The following ROBO1 variants were observed in gnomAD, a reference collection of about 807,000 sequenced individuals.
ROBO1 encodes the protein roundabout guidance receptor 1.
Under a neutral mutation model 195.9 loss-of-function variants are expected in ROBO1, and 149 were observed. The observed-to-expected ratio is 0.76, with a 90% CI of 0.67 to 0.87. The LOEUF is 0.87. Among genes scored for constraint, ROBO1 ranks in the 40% least tolerant of loss-of-function variants. ROBO1 has a pLI of 0.00. For synonymous variants in ROBO1, 816 were observed against 733.2 expected, an observed-to-expected ratio of 1.11 and a Z score of -1.82; for missense variants, 1,933 against 2,068.3, an observed-to-expected ratio of 0.93 and a Z score of 1.27.
chr3:79,591,498 G>A (rs34115188), intron 1 of ROBO1, among the ~76,000 whole-genome samples: 1 of 151,706 alleles, frequency 6.6e-6, no homozygotes, highest in Non-Finnish European at 1.5e-5. Flanking sequence ...TTGCCTCAAA[G>A]AATATACTTG....
intron 2 of ROBO1, among the ~76,000 whole-genome samples, chr3:79,209,471 T>A (rs914544987): frequency 6.6e-6 from 1 of 152,074 alleles, no homozygotes; most frequent in African/African-American, 2.4e-5. Flanking sequence ...GTGTTTTTTT[T>A]ATTTTTTTAT....
intron 2 of ROBO1, among the ~76,000 whole-genome samples, chr3:79,295,338 C>G (rs2032526516): frequency 6.6e-6 from 1 of 152,122 alleles, no homozygotes; most frequent in African/African-American, 2.4e-5. Flanking sequence ...TCTCAGCAAA[C>G]TAACACAGGA....
chr3:79,680,225 T>G (rs73849487), intron 1 of ROBO1, among the ~76,000 whole-genome samples: 1,711 of 152,026 alleles, frequency 0.011, 27 homozygotes, highest in African/African-American at 0.039. Flanking sequence ...CTTAGCTCAC[T>G]GGCCAGAGCT....
At chr3:79,082,564 G>T (rs1457613335) in intron 3 of ROBO1, among the ~76,000 whole-genome samples, 1 of 152,140 alleles carries the variant, frequency 6.6e-6, no homozygotes. Flanking sequence ...TGAGATAGAA[G>T]AGACCAAATG....
rs117507600 is a variant in ROBO1 at position 79,693,083 on chromosome 3, G to C, written c.-51+74669C>G. Among the ~76,000 whole-genome samples, 69 of 151,728 alleles carry C rather than the reference G, an allele frequency of 4.5e-4. No homozygotes were observed. In the East Asian group the frequency reaches 0.012, roughly 27 times the overall value. ...TAAGATTTCAGATTTTCAGATTATG[G>C]ATGTTCTGCTTGTGTATGGTATACC... On this transcript the variant is annotated intron_variant, in intron 1 of 30. Transcript: ENST00000464233.
chr3:79,457,016 T>C (rs1466121340), intron 2 of ROBO1, among the ~76,000 whole-genome samples: 2 of 152,198 alleles, frequency 1.3e-5, no homozygotes, highest in African/African-American at 4.8e-5. Context: ...ATATTTGTAC[T>C]CCGAAGACTT....
At chr3:79,492,413 G>A (rs1305405227) in intron 2 of ROBO1, among the ~76,000 whole-genome samples, 2 of 113,514 alleles carry the variant, frequency 1.8e-5, no homozygotes, top group Non-Finnish European at 3.4e-5. Context: ...CAATAAGAGT[G>A]AGACTCTGTT....
At chr3:79,242,344 T>A (rs1329200324) in intron 2 of ROBO1, among the ~76,000 whole-genome samples, 1 of 152,110 alleles carries the variant, frequency 6.6e-6, no homozygotes, top group Non-Finnish European at 1.5e-5. Context: ...ATGCCTGTAT[T>A]CTCCACTTAA....
intron 3 of ROBO1, among the ~76,000 whole-genome samples, chr3:79,109,937 A>G (rs2079855134): frequency 6.6e-6 from 1 of 152,126 alleles, no homozygotes; most frequent in East Asian, 1.9e-4. Flanking sequence ...TGGTAATTTG[A>G]AAGCTTATAC....
At chr3:78,836,919 A>G (rs1280244873) in intron 4 of ROBO1, among the ~76,000 whole-genome samples, 1 of 152,220 alleles carries the variant, frequency 6.6e-6, no homozygotes, top group East Asian at 1.9e-4. Flanking sequence ...ACACAGAGCA[A>G]CACAAAAAGA....
rs568917361 is a variant in ROBO1, at chr3:79,169,619, T to C, written c.89-44080A>G. 3.3e-5 allele frequency among the ~76,000 whole-genome samples: 5 copies of C among 152,278 alleles called. No individual in the cohort carries two copies. In the South Asian group the frequency reaches 6.2e-4, roughly 19 times the overall value. On this transcript the variant is annotated intron_variant, in intron 2 of 30. Coordinates refer to ENST00000464233, the MANE Select transcript of ROBO1 (RefSeq NM_002941.4). ...AAACCTGAAATAAAATCCTCTGATGTAGGCATTATAATAAGATCCCTTAGG... is the reference window on the plus strand; with the variant it reads ...AAACCTGAAATAAAATCCTCTGATGCAGGCATTATAATAAGATCCCTTAGG...
intron 2 of ROBO1, among the ~76,000 whole-genome samples, chr3:79,514,781 C>T (rs529617901): frequency 3.3e-5 from 5 of 152,250 alleles, no homozygotes; most frequent in African/African-American, 1.2e-4. Flanking sequence ...CAAACACAGA[C>T]ACTAAAATGA....
intron 2 of ROBO1, among the ~76,000 whole-genome samples, chr3:79,186,811 A>C (rs1407904459): frequency 6.6e-6 from 1 of 152,096 alleles, no homozygotes; most frequent in African/African-American, 2.4e-5. Context: ...ACAACTGTAA[A>C]ATAAACTACC....
chr3:79,423,585 T>C (rs1446521316), intron 2 of ROBO1, among the ~76,000 whole-genome samples: 1 of 152,094 alleles, frequency 6.6e-6, no homozygotes, highest in Non-Finnish European at 1.5e-5. Context: ...ACCTGTGAAA[T>C]GTACAGATTG....
intron 4 of ROBO1, among the ~76,000 whole-genome samples, chr3:78,876,316 A>G (rs1490281586): frequency 6.6e-6 from 1 of 152,252 alleles, no homozygotes; most frequent in East Asian, 1.9e-4. Flanking sequence ...CTATACTTGA[A>G]GAAAGAAAAT....
intron 1 of ROBO1, among the ~76,000 whole-genome samples, chr3:79,733,304 A>G (rs948831473): frequency 6.6e-6 from 1 of 152,198 alleles, no homozygotes; most frequent in Non-Finnish European, 1.5e-5. Flanking sequence ...CTCATATGCA[A>G]ATATAATCTT....
chr3:79,550,207 A>AAAG (rs58341695), intron 2 of ROBO1, among the ~76,000 whole-genome samples: 8 of 103,750 alleles, frequency 7.7e-5, no homozygotes, highest in African/African-American at 3.0e-4. Flanking sequence ...AAAAGAAAAG[A>AAAG]AAAGAAAAGA....
chr3:79,219,559 G>A (rs2082104075), intron 2 of ROBO1, among the ~76,000 whole-genome samples: 1 of 151,976 alleles, frequency 6.6e-6, no homozygotes, highest in Non-Finnish European at 1.5e-5. Flanking sequence ...GTTGAACCAT[G>A]CATGATTTCA....
chr3:79,008,605 T>C (rs1249885262), intron 3 of ROBO1, among the ~76,000 whole-genome samples: 3 of 151,736 alleles, frequency 2.0e-5, no homozygotes, highest in Non-Finnish European at 2.9e-5. Context: ...GTGCATTTTT[T>C]TTTTGACAGA....
Sources: allele counts gnomAD v4.1 joint callset (sites outside exome capture counted in the v4.1 genomes callset), GRCh38; gene constraint gnomAD v4.1.1; transcripts MANE v1.5; gene names NCBI Gene and HGNC (gene_info 2026-07-23, HGNC 2026-07-21).